HSPA4L: variants seen among roughly 807,000 people sequenced by gnomAD.
HSPA4L encodes heat shock protein family A (Hsp70) member 4 like.
HSPA4L carries 48 observed loss-of-function variants against 100.3 expected under a neutral mutation model. The observed-to-expected ratio is 0.48, with a 90% CI of 0.38 to 0.61. The LOEUF (loss-of-function observed/expected upper bound fraction) is 0.61. Ranked by LOEUF, HSPA4L falls within the 20% of genes least tolerant of loss-of-function variation. The probability of loss-of-function intolerance (pLI) is 0.00; values close to 1 mark genes in which losing one functional copy is unlikely to be tolerated. For synonymous variants in HSPA4L, 319 were observed against 328.2 expected (o/e 0.97, Z 0.30); for missense variants, 886 against 988.6 (o/e 0.90, Z 1.39).
Position 127,838,717 on chromosome 4 carries a change from A to ATAT in HSPA4L, c.*5844_*5845insATT, listed in dbSNP as rs1389521738. 2 of 152,224 alleles carry ATAT rather than the reference A, an allele frequency of 1.3e-5. No homozygotes were observed. Among genetic ancestry groups the ATAT allele is most frequent in the African/African-American group, 4.8e-5 (2 of 41,458 alleles). 9.4% of individuals were successfully genotyped at this position (152,224 alleles called of 1,614,324 possible). A position where few individuals can be genotyped will look rare whatever the true frequency, so the allele number is the denominator to read the frequency against. The stretch of plus-strand genomic sequence containing the variant: ...CTTTGTCTTTCCTTTATCTTGCTTT[A>ATAT]TCCTCTTATCCAATTCTAGACTCTT... On this transcript the variant is annotated 3_prime_UTR_variant, in exon 19 of 19. Coordinates refer to ENST00000296464, the MANE Select transcript of HSPA4L (RefSeq NM_014278.4).
intron 1 of HSPA4L, among the ~76,000 whole-genome samples, chr4:127,793,079 G>A (rs971592149): frequency 2.0e-5 from 3 of 152,124 alleles, no homozygotes; most frequent in East Asian, 1.9e-4. Context: ...GTGAGATAGG[G>A]CACCATTGGA....
chr4:127,817,175 C>T (rs1381876347), intron 12 of HSPA4L, among the ~76,000 whole-genome samples: 5 of 152,240 alleles, frequency 3.3e-5, no homozygotes, highest in Middle Eastern at 3.4e-3. Flanking sequence ...AAGCAGTTCT[C>T]CGGCCTCAGC....
Position 127,832,892 on chromosome 4 carries a change from A to C in HSPA4L, c.*18A>C, listed in dbSNP as rs910509773. 1 of 1,573,752 alleles carries C rather than the reference A, an allele frequency of 6.4e-7. No homozygotes were observed. Among genetic ancestry groups the C allele is most frequent in the Non-Finnish European group, 8.6e-7 (1 of 1,156,590 alleles). On this transcript the variant is annotated 3_prime_UTR_variant, in exon 19 of 19. Coordinates refer to ENST00000296464, the MANE Select transcript of HSPA4L (RefSeq NM_014278.4). Reference sequence around the variant, plus strand: ...TGGACTAAGTCTTAATTTTACCTTCACATTAATTCAAACCGTGCAAGTAAC... The same window carrying C: ...TGGACTAAGTCTTAATTTTACCTTCCCATTAATTCAAACCGTGCAAGTAAC...
At chr4:127,805,627 A>G in intron 9 of HSPA4L, 60 bp from the exon 10 acceptor site, 1 of 1,266,862 alleles carries the variant, frequency 7.9e-7, no homozygotes, top group Non-Finnish European at 1.1e-6. Flanking sequence ...GTTCAATCAG[A>G]GTAACCTAGG....
At chr4:127,819,790 A>G (rs79083805) in intron 13 of HSPA4L, among the ~76,000 whole-genome samples, 2,878 of 152,298 alleles carry the variant, frequency 0.019, 92 homozygotes, top group African/African-American at 0.064. Flanking sequence ...TCCAGGTTGT[A>G]GAATATATCA....
At chr4:127,810,759 A>G (rs1733503231) in intron 11 of HSPA4L, among the ~76,000 whole-genome samples, 1 of 152,182 alleles carries the variant, frequency 6.6e-6, no homozygotes, top group South Asian at 2.1e-4. Flanking sequence ...CTGTGTCTCA[A>G]AACAAAACAC....
chr4:127,782,482 A>T lies in HSPA4L; in HGVS notation c.-69A>T. 7.8e-7 allele frequency: 1 copy of T among 1,289,572 alleles called. No homozygotes were observed. The highest frequency in any genetic ancestry group is 1.1e-6 in the Non-Finnish European group (1 of 890,692). 79.9% of individuals were successfully genotyped at this position (1,289,572 alleles called of 1,614,324 possible). On this transcript the variant is annotated 5_prime_UTR_variant, in exon 1 of 19. Coordinates refer to ENST00000296464, the MANE Select transcript of HSPA4L (RefSeq NM_014278.4). ...TAGGAGTCGCAATCCCAGCAGCAAT[A>T]GCCCAGAAGAGGACACGGTTCCCGT... is the stretch of plus-strand genomic sequence containing the variant.
chr4:127,786,961 CTGTAATTAATACTT>C (rs777373899), intron 1 of HSPA4L, among the ~76,000 whole-genome samples: 2 of 152,136 alleles, frequency 1.3e-5, no homozygotes, highest in East Asian at 1.9e-4. Context: ...AATTTATAGT[CTGTAATTAATACTT>C]TGTAATAGGG....
intron 14 of HSPA4L, among the ~76,000 whole-genome samples, 194 bp from the exon 15 acceptor site, chr4:127,822,575 G>C (rs568019583): frequency 6.6e-6 from 1 of 152,108 alleles, no homozygotes; most frequent in Non-Finnish European, 1.5e-5. Flanking sequence ...CAGCCAAAAC[G>C]TTTTCCATGG....
intron 11 of HSPA4L, 27 bp from the exon 12 acceptor site, chr4:127,811,410 A>G (rs760470079): frequency 6.4e-7 from 1 of 1,558,224 alleles, no homozygotes; most frequent in Non-Finnish European, 8.8e-7. Context: ...AGGCTCACAT[A>G]CTGATTGGAG....
At chr4:127,808,204 A>G in intron 11 of HSPA4L, 75 bp downstream of exon 11, 3 of 1,245,740 alleles carry the variant, frequency 2.4e-6, no homozygotes, top group Non-Finnish European at 3.4e-6. Context: ...CAAGGAAACA[A>G]ATAGACATTT....
chr4:127,784,672 C>T (rs1273689217), intron 1 of HSPA4L, among the ~76,000 whole-genome samples: 1 of 152,236 alleles, frequency 6.6e-6, no homozygotes, highest in Non-Finnish European at 1.5e-5. Flanking sequence ...AACAAAAGTA[C>T]TTCATGGTAG....
intron 16 of HSPA4L, among the ~76,000 whole-genome samples, chr4:127,826,461 C>T (rs559045166): frequency 4.6e-5 from 7 of 151,924 alleles, no homozygotes; most frequent in East Asian, 3.9e-4. Flanking sequence ...AAAAGTATGA[C>T]GTGAATAGAC....
At chr4:127,786,981 T>C (rs550753185) in intron 1 of HSPA4L, among the ~76,000 whole-genome samples, 1 of 152,322 alleles carries the variant, frequency 6.6e-6, no homozygotes, top group South Asian at 2.1e-4. Context: ...TACTTTGTAA[T>C]AGGGAATATG....
chr4:127,782,228 G>A, upstream of HSPA4L: 1 of 393,390 alleles, frequency 2.5e-6, no homozygotes, highest in Non-Finnish European at 4.8e-6. Context: ...CCCGGAGCTG[G>A]CTCGGGCGCG....
intron 1 of HSPA4L, 56 bp downstream of exon 1, chr4:127,782,713 C>A: frequency 7.7e-7 from 1 of 1,297,040 alleles, no homozygotes; most frequent in Non-Finnish European, 1.1e-6. Context: ...TCTCTCCCGT[C>A]CTTAACGTTT....
At chr4:127,809,073 C>T (rs113844784) in intron 11 of HSPA4L, 13 of 560,184 alleles carry the variant, frequency 2.3e-5, no homozygotes, top group African/African-American at 1.7e-4. Flanking sequence ...AAGGTGAGGG[C>T]GATTGGAAGG....
At chr4:127,815,047 CT>C (rs1733637041) in intron 12 of HSPA4L, among the ~76,000 whole-genome samples, 1 of 151,934 alleles carries the variant, frequency 6.6e-6, no homozygotes, top group Non-Finnish European at 1.5e-5. Context: ...ATAAGTTCTT[CT>C]TTTTACTCTA....
At chr4:127,816,223 C>T (rs1733666676) in intron 12 of HSPA4L, among the ~76,000 whole-genome samples, 2 of 152,086 alleles carry the variant, frequency 1.3e-5, no homozygotes, top group African/African-American at 2.4e-5. Flanking sequence ...ATGGTTTCAA[C>T]TCCCATGGAG....
Sources: allele counts gnomAD v4.1 joint callset (sites outside exome capture counted in the v4.1 genomes callset), GRCh38; gene constraint gnomAD v4.1.1; transcripts MANE v1.5; gene names NCBI Gene and HGNC (gene_info 2026-07-23, HGNC 2026-07-21).